The following GLIS3 variants were observed in gnomAD, a reference collection of about 807,000 sequenced individuals.
GLIS3 encodes the protein zinc finger protein GLIS3.
A neutral mutation model predicts 78.6 loss-of-function variants in GLIS3; 53 were observed. The observed-to-expected ratio is 0.67, with a 90% CI of 0.54 to 0.85. The LOEUF is 0.85. Ranked by LOEUF, GLIS3 falls within the 40% of genes least tolerant of loss-of-function variation. The probability of loss-of-function intolerance (pLI) is 0.00; values close to 1 mark genes in which losing one functional copy is unlikely to be tolerated. For missense variants in GLIS3, 1,703 were observed against 1,231.1 expected (o/e 1.38, Z -5.74); for synonymous variants, 684 against 509.9 (o/e 1.34, Z -4.60).
chr9:4,095,364 C>T (rs923322054), intron 4 of GLIS3, among the ~76,000 whole-genome samples: 1 of 152,148 alleles, frequency 6.6e-6, no homozygotes, highest in African/African-American at 2.4e-5. Context: ...GGTTTCATAA[C>T]AACCACAGGA....
intron 4 of GLIS3, among the ~76,000 whole-genome samples, chr9:4,069,477 A>G (rs1360041666): frequency 5.9e-5 from 9 of 152,236 alleles, no homozygotes; most frequent in Non-Finnish European, 8.8e-5. Context: ...AACGCACACT[A>G]AAAGACCAGT....
At chr9:4,365,491 G>A in the GLIS3 span, among the ~76,000 whole-genome samples, 1 of 152,060 alleles carries the variant, frequency 6.6e-6, no homozygotes, top group East Asian at 1.9e-4. Context: ...GGGAGGTGGA[G>A]GTTGCAGTCA....
At chr9:4,194,011 G>C (rs1016995968) in intron 2 of GLIS3, among the ~76,000 whole-genome samples, 31 of 152,094 alleles carry the variant, frequency 2.0e-4, no homozygotes, top group Non-Finnish European at 1.5e-5. Flanking sequence ...TGTGGCTGCT[G>C]ATGTTTATTA....
At chr9:4,416,330 C>T in the GLIS3 span, among the ~76,000 whole-genome samples, 1 of 145,724 alleles carries the variant, frequency 6.9e-6, no homozygotes, top group African/African-American at 2.5e-5. Flanking sequence ...ACTGTTCCAT[C>T]ACCTTTACAA....
intron 2 of GLIS3, among the ~76,000 whole-genome samples, chr9:4,235,298 C>CAACA (rs1822624755): frequency 9.4e-6 from 1 of 106,066 alleles, no homozygotes; most frequent in African/African-American, 3.9e-5. Context: ...GACTCTGTCT[C>CAACA]AAAAAAAAAA....
At chr9:4,121,015 T>C (rs906062801) in intron 3 of GLIS3, among the ~76,000 whole-genome samples, 3 of 152,234 alleles carry the variant, frequency 2.0e-5, no homozygotes, top group Admixed American at 1.3e-4. Context: ...ATATAACTTT[T>C]TGGGCATCTG....
chr9:4,004,796 G>T (rs1184120910), intron 4 of GLIS3, among the ~76,000 whole-genome samples: 1 of 152,064 alleles, frequency 6.6e-6, no homozygotes, highest in East Asian at 1.9e-4. Context: ...TCCTTTCAAC[G>T]ACCCTGTGAG....
intron 4 of GLIS3, among the ~76,000 whole-genome samples, chr9:4,014,041 G>C (rs1452227729): frequency 6.6e-6 from 1 of 152,160 alleles, no homozygotes; most frequent in East Asian, 1.9e-4. Flanking sequence ...ATGAAAGGCA[G>C]ACAAATTGCA....
chr9:4,047,764 G>T (rs936896220), intron 4 of GLIS3, among the ~76,000 whole-genome samples: 13 of 152,130 alleles, frequency 8.5e-5, no homozygotes, highest in African/African-American at 3.1e-4. Flanking sequence ...AGTTGATTCA[G>T]GAATGTTCTG....
intron 6 of GLIS3, among the ~76,000 whole-genome samples, chr9:3,914,749 C>T (rs1330969659): frequency 6.6e-6 from 1 of 152,086 alleles, no homozygotes; most frequent in Non-Finnish European, 1.5e-5. Flanking sequence ...ACATTCCAGC[C>T]CCCTGTTTGA....
intron 4 of GLIS3, among the ~76,000 whole-genome samples, chr9:4,080,087 A>AGCAGGCAG (rs1382894940): frequency 2.6e-5 from 4 of 152,224 alleles, no homozygotes; most frequent in African/African-American, 4.8e-5. Flanking sequence ...CTGCTTGTCA[A>AGCAGGCAG]ATTCAATGAC....
chr9:4,127,191 T>A (rs1832638609), intron 2 of GLIS3, among the ~76,000 whole-genome samples: 1 of 152,180 alleles, frequency 6.6e-6, no homozygotes, highest in Admixed American at 6.5e-5. Context: ...TGCAGACTTA[T>A]GGGACACTAA....
chr9:4,098,000 G>A (rs931060873), intron 4 of GLIS3, among the ~76,000 whole-genome samples: 1 of 152,094 alleles, frequency 6.6e-6, no homozygotes, highest in Non-Finnish European at 1.5e-5. Context: ...ACGTATATCA[G>A]AAATAGTTCA....
intron 2 of GLIS3, among the ~76,000 whole-genome samples, chr9:4,243,396 A>ACGCGCG (rs148212662): frequency 1.4e-5 from 2 of 147,500 alleles, no homozygotes; most frequent in Non-Finnish European, 3.0e-5. Flanking sequence ...GCACACATAC[A>ACGCGCG]CGCACACACA....
rs1000069431 is a variant in GLIS3 at position 4,298,507 on chromosome 9, G to A, written c.-99+914C>T. On this transcript the variant is annotated intron_variant, in intron 1 of 10. Coordinates refer to ENST00000381971, the MANE Select transcript of GLIS3 (RefSeq NM_001042413.2). ...GAGTAACTTGGAACTGTCGCTCGGG[G>A]CAAGGTGTGTGTCTAGGAGAGAGCC... The A allele has an allele frequency of 9.2e-6, 4 of 436,048 alleles. No individual in the cohort carries two copies. In the Admixed American group the frequency reaches 9.9e-5, roughly 11 times the overall value. The allele number at this position is 436,048 out of a possible 1,614,324, so 27.0% of individuals were successfully genotyped here.
At chr9:4,382,375 C>T in the GLIS3 span, among the ~76,000 whole-genome samples, 1 of 152,092 alleles carries the variant, frequency 6.6e-6, no homozygotes, top group East Asian at 1.9e-4. Flanking sequence ...GCCTTTCCCC[C>T]ATCCTGGAAT....
the GLIS3 span, among the ~76,000 whole-genome samples, chr9:4,366,614 T>C: frequency 6.6e-6 from 1 of 152,224 alleles, no homozygotes; most frequent in African/African-American, 2.4e-5. Flanking sequence ...ACACAAACGT[T>C]TTCCTGTAAG....
At chr9:3,962,784 G>C (rs566055221) in intron 4 of GLIS3, among the ~76,000 whole-genome samples, 2 of 152,280 alleles carry the variant, frequency 1.3e-5, no homozygotes, top group African/African-American at 4.8e-5. Context: ...CTTCACTCTA[G>C]CAAAAGGGAT....
intron 4 of GLIS3, among the ~76,000 whole-genome samples, chr9:4,014,346 C>A (rs886735466): frequency 6.6e-6 from 1 of 152,166 alleles, no homozygotes; most frequent in African/African-American, 2.4e-5. Flanking sequence ...AAGTTCATGT[C>A]TACTGGGGAC....
Sources: gnomAD v4.1 joint callset for allele counts (sites outside exome capture counted in the v4.1 genomes callset) on GRCh38, gnomAD v4.1.1 for gene constraint, MANE v1.5 for transcripts, NCBI Gene and HGNC (gene_info 2026-07-23, HGNC 2026-07-21) for gene names.